CLPTM1: variants seen among roughly 807,000 people sequenced by gnomAD.
CLPTM1 encodes the protein putative lipid scramblase CLPTM1.
In CLPTM1, 21 loss-of-function variants were observed where a neutral mutation model predicts 77.3. The ratio of observed to expected loss-of-function variants is 0.27; its 90% CI spans 0.19 to 0.39. CLPTM1 has a LOEUF of 0.39. Ranked by LOEUF, CLPTM1 falls within the 10% of genes least tolerant of loss-of-function variation. The pLI is 1.00. For synonymous variants in CLPTM1, 373 were observed against 381.0 expected (o/e 0.98, Z 0.24); for missense variants, 642 against 921.2 (o/e 0.70, Z 3.92).
Position 44,990,854 on chromosome 19 carries a change from A to G in CLPTM1, c.1328A>G (p.Asp443Gly). 1 of 1,613,514 alleles carries G rather than the reference A, an allele frequency of 6.2e-7. No individual in the cohort carries two copies. Among genetic ancestry groups the G allele is most frequent in the Non-Finnish European group, 8.5e-7 (1 of 1,179,608 alleles). ...TGGCACCCACCTCATCCACAGCTGG[A>G]CCGAGAGCACAGGGTGGCAGGAATC... ...KITKVMDVRL[D>G]REHRVAGIFP... Residue 443 changes from aspartate (D) to glycine (G), a missense_variant, in exon 11 of 14, where the codon GAC becomes GGC. Coordinates refer to ENST00000337392, the MANE Select transcript of CLPTM1 (RefSeq NM_001294.4). This position sits in a 1 kb window ranked among gnomAD's most constrained non-coding sequence, Gnocchi z 4.8.
At chr19:44,987,464 C>T (rs1177948104) in intron 8 of CLPTM1, 41 bp downstream of exon 8, 2 of 1,605,716 alleles carry the variant, frequency 1.2e-6, no homozygotes, top group Admixed American at 3.3e-5. Flanking sequence ...CGGTGCCTTC[C>T]TGGGCGCAAG....
chr19:44,974,223 T>A (rs973198269), intron 3 of CLPTM1, among the ~76,000 whole-genome samples: 1 of 152,138 alleles, frequency 6.6e-6, no homozygotes, highest in African/African-American at 2.4e-5. Flanking sequence ...CTCCAAGTGT[T>A]CTTTGTTCGT....
Position 44,973,142 on chromosome 19 carries a change from G to A in CLPTM1, c.241G>A (p.Asp81Asn), listed in dbSNP as rs1568384732. ...GTTCCGCCGAGGGCCGGCCCCTCAG[G>A]ACCAGGCGGGCCCCGGAGGAGCTCC... ...SWFRRGPAPQ[D>N]QAGPGGAPRV... The change falls in exon 3 of 14, where the codon GAC becomes AAC. Residue 81 changes from aspartate to asparagine, a missense_variant. Physicochemically the swap from Asp to Asn is conservative, Grantham distance 23. This residue lies in a region of CLPTM1 where 121 missense variants were observed against 120.8 expected (regional missense o/e 1.00). Coordinates refer to ENST00000337392, the MANE Select transcript of CLPTM1 (RefSeq NM_001294.4). 6.2e-7 allele frequency: 1 copy of A among 1,614,076 alleles called. No homozygotes were observed. Among genetic ancestry groups the A allele is most frequent in the Non-Finnish European group, 8.5e-7 (1 of 1,179,980 alleles).
At chr19:44,958,210 C>T (rs150765042) in intron 1 of CLPTM1, among the ~76,000 whole-genome samples, 1 of 152,098 alleles carries the variant, frequency 6.6e-6, no homozygotes, top group East Asian at 1.9e-4. Context: ...AAGGAGCAGC[C>T]AGTGCGAAGG....
intron 1 of CLPTM1, among the ~76,000 whole-genome samples, chr19:44,956,327 C>T (rs910773974): frequency 7.9e-5 from 12 of 152,112 alleles, no homozygotes; most frequent in African/African-American, 2.7e-4. Context: ...TTTATCTCTC[C>T]CGTGTTAAAT....
intron 2 of CLPTM1, among the ~76,000 whole-genome samples, chr19:44,962,801 T>C (rs8100120): frequency 0.52 from 79,085 of 151,230 alleles, 21,268 homozygotes; most frequent in African/African-American, 0.62. Flanking sequence ...CACGGTGGCT[T>C]ACACCTACAA....
At chr19:44,955,598 G>C in intron 1 of CLPTM1, 131 bp downstream of exon 1, 6 of 853,256 alleles carry the variant, frequency 7.0e-6, no homozygotes, top group Non-Finnish European at 6.1e-6. Context: ...TGAATACCCG[G>C]CCCAGGCAGG....
intron 1 of CLPTM1, among the ~76,000 whole-genome samples, chr19:44,961,383 C>G (rs1970540568): frequency 6.6e-6 from 1 of 152,186 alleles, no homozygotes; most frequent in Admixed American, 6.5e-5. Context: ...AAGCCCCAGC[C>G]TTGAAGAATC....
At chr19:44,963,329 T>G (rs1245808546) in intron 2 of CLPTM1, among the ~76,000 whole-genome samples, 20 of 36,710 alleles carry the variant, frequency 5.4e-4, no homozygotes, top group Non-Finnish European at 8.7e-4. Flanking sequence ...ATTTTATGTA[T>G]TTTTTTTTTT....
Position 44,990,384 on chromosome 19 carries a change from C to CTGGATAA in CLPTM1, c.1133-11_1133-10insTGGATAA. On this transcript the variant is annotated splice_polypyrimidine_tract_variant and intron_variant, in intron 9 of 13. Transcript: ENST00000337392. This position sits in a 1 kb window ranked among gnomAD's most constrained non-coding sequence, Gnocchi z 4.8. ...TCAGCCTCCTGGTTCCCCCCTACCC[C>CTGGATAA]CTGCGCACAGATATCCAGTTCTGGA... 1 of 1,613,602 alleles carries CTGGATAA rather than the reference C, an allele frequency of 6.2e-7. No individual in the cohort carries two copies. Among genetic ancestry groups the CTGGATAA allele is most frequent in the Non-Finnish European group, 8.5e-7 (1 of 1,179,652 alleles).
chr19:44,967,188 G>A (rs559207438), intron 2 of CLPTM1, among the ~76,000 whole-genome samples: 97 of 152,066 alleles, frequency 6.4e-4, no homozygotes, highest in African/African-American at 1.2e-3. Context: ...GTGTGATGGC[G>A]CACACCTGTA....
At chr19:44,955,575 G>C (rs998246628) in intron 1 of CLPTM1, 108 bp downstream of exon 1, 9 of 1,065,146 alleles carry the variant, frequency 8.4e-6, no homozygotes, top group Non-Finnish European at 7.1e-6. Context: ...GGGCTCCTTG[G>C]CCAGAGGGAC....
In CLPTM1 at chr19:44,977,432, C is replaced by T. The variant is rs775010282; in HGVS notation, c.558C>T (p.Arg186=). ...ACCCCCGGCAGAAGGCCCTGTACCG[C>T]CGGCTTGCCACAGTCCACATGTCCC... The part of the protein sequence containing the change: ...HPDPRQKALY[R]RLATVHMSRM... The change falls in exon 5 of 14, where the codon CGC becomes CGT. Residue 186 remains arginine, a synonymous_variant. Transcript: ENST00000337392. The T allele has an allele frequency of 1.2e-6, 2 of 1,608,530 alleles. No homozygotes were observed. Among genetic ancestry groups the T allele is most frequent in the Admixed American group, 3.3e-5 (2 of 60,018 alleles).
chr19:44,964,702 C>G (rs1411538861), intron 2 of CLPTM1, among the ~76,000 whole-genome samples: 1 of 152,218 alleles, frequency 6.6e-6, no homozygotes, highest in Non-Finnish European at 1.5e-5. Context: ...CGAGAATTTA[C>G]TCTTCCCAAA....
At chr19:44,955,514 G>T in intron 1 of CLPTM1, 47 bp downstream of exon 1, 2 of 1,261,130 alleles carry the variant, frequency 1.6e-6, no homozygotes, top group South Asian at 3.3e-5. Context: ...CCAGCCGGGG[G>T]GCCTCCCACG....
chr19:44,956,942 A>G (rs117817794), intron 1 of CLPTM1, among the ~76,000 whole-genome samples: 40 of 152,280 alleles, frequency 2.6e-4, no homozygotes, highest in Non-Finnish European at 4.9e-4. Context: ...TTTGAATTGG[A>G]TAATGCTTTG....
At chr19:44,961,537 A>ACCTGCTG (rs1970543229) in intron 1 of CLPTM1, among the ~76,000 whole-genome samples, 1 of 151,964 alleles carries the variant, frequency 6.6e-6, no homozygotes, top group East Asian at 1.9e-4. Context: ...TGCTTCTCTC[A>ACCTGCTG]CTTCCTCCTT....
chr19:44,954,911 G>A (rs1301173853), upstream of CLPTM1: 92 of 1,430,864 alleles, frequency 6.4e-5, no homozygotes, highest in Non-Finnish European at 2.7e-5. Context: ...TGGGCAAAAG[G>A]CTAGTTCTTC....
At chr19:44,975,130 C>T (rs1024703827) in intron 4 of CLPTM1, among the ~76,000 whole-genome samples, 2 of 152,212 alleles carry the variant, frequency 1.3e-5, no homozygotes, top group African/African-American at 4.8e-5. Context: ...CGGCTGTGGA[C>T]TCTCGCAGCC....
Sources: allele counts gnomAD v4.1 joint callset (sites outside exome capture counted in the v4.1 genomes callset), GRCh38; gene constraint gnomAD v4.1.1; regional missense constraint gnomAD v4.1.1; non-coding constraint Gnocchi (gnomAD v3.1); transcripts MANE v1.5; gene names NCBI Gene and HGNC (gene_info 2026-07-23, HGNC 2026-07-21).